Variants in PCDHGA2 observed in about 807,000 individuals in gnomAD.
PCDHGA2 encodes the protein protocadherin gamma-A2.
In PCDHGA2, 40 loss-of-function variants were observed where a neutral mutation model predicts 59.2. The ratio of observed to expected loss-of-function variants is 0.68; its 90% CI spans 0.52 to 0.88. PCDHGA2 has a LOEUF of 0.88. Among genes scored for constraint, PCDHGA2 ranks in the 40% least tolerant of loss-of-function variants. The pLI is 0.00. For missense variants in PCDHGA2, 1,226 were observed against 1,204.0 expected, an observed-to-expected ratio of 1.02 and a Z score of -0.27; for synonymous variants, 560 against 526.0, an observed-to-expected ratio of 1.06 and a Z score of -0.89.
chr5:141,351,156 C>T lies in PCDHGA2; in HGVS notation c.2424+9761C>T, dbSNP rs995856696. On this transcript the variant is annotated intron_variant, in intron 1 of 3. Coordinates refer to ENST00000394576, the MANE Select transcript of PCDHGA2 (RefSeq NM_018915.4). Reference sequence around the variant, plus strand: ...AATCCAAATACTGGCGACATCACAACCAATGGCACATTGGATTTTGAAGAG... The same window carrying T: ...AATCCAAATACTGGCGACATCACAATCAATGGCACATTGGATTTTGAAGAG... 7 of 1,613,902 alleles carry T rather than the reference C, an allele frequency of 4.3e-6. No individual in the cohort carries two copies. The African/African-American group carries it at 5.3e-5, about 12-fold the overall frequency.
intron 1 of PCDHGA2, among the ~76,000 whole-genome samples, chr5:141,373,124 C>A (rs933714666): frequency 1.3e-5 from 2 of 152,188 alleles, no homozygotes; most frequent in Non-Finnish European, 2.9e-5. Context: ...GAATTAGACC[C>A]AAATCCTCAC....
rs561122870 is a variant in PCDHGA2 at position 141,439,444 on chromosome 5, C to T, written c.2425-55363C>T. On this transcript the variant is annotated intron_variant, in intron 1 of 3. Transcript: ENST00000394576. ...ATAAATTCCCAGGAATATTTTATTG[C>T]GGGAGCAAGACTGCACTGCTGCCTT... Among the ~76,000 whole-genome samples the T allele has an allele frequency of 3.0e-4, 46 of 152,264 alleles. 1 individual carries two copies. The South Asian group carries it at 6.2e-3, about 21-fold the overall frequency.
Position 141,511,995 on chromosome 5 carries a change from A to G in PCDHGA2, c.*822A>G, listed in dbSNP as rs1049905198. The G allele has an allele frequency of 1.3e-5, 2 of 153,074 alleles. No homozygotes were observed. The highest frequency in any genetic ancestry group is 4.8e-5 in the African/African-American group (2 of 41,464). The allele number at this position is 153,074 out of a possible 1,614,324, so 9.5% of individuals were successfully genotyped here. On this transcript the variant is annotated 3_prime_UTR_variant, in exon 4 of 4. Transcript: ENST00000394576. The stretch of plus-strand genomic sequence containing the variant: ...GGATGTGGATGGTGGGGGCATGGAC[A>G]AAGCTTGACACATCAAGTTATCAAG...
At chr5:141,365,532 A>G in intron 1 of PCDHGA2, 1 of 1,613,862 alleles carries the variant, frequency 6.2e-7, no homozygotes, top group Non-Finnish European at 8.5e-7. Context: ...GTTGATAATT[A>G]CTATCACCTA....
intron 1 of PCDHGA2, chr5:141,366,452 G>A (rs1764567762): frequency 3.7e-6 from 6 of 1,614,196 alleles, no homozygotes; most frequent in East Asian, 4.5e-5. Flanking sequence ...CCTGGCCTTC[G>A]TCATCGTGCT....
At chr5:141,370,009 A>G (rs1310003326) in intron 1 of PCDHGA2, among the ~76,000 whole-genome samples, 1 of 152,282 alleles carries the variant, frequency 6.6e-6, no homozygotes, top group Non-Finnish European at 1.5e-5. Flanking sequence ...ATTAAAAGAA[A>G]TAACAGACTA....
At chr5:141,365,038 C>T (rs1763692774) in intron 1 of PCDHGA2, 3 of 1,613,858 alleles carry the variant, frequency 1.9e-6, no homozygotes, top group Non-Finnish European at 2.5e-6. Flanking sequence ...TCGACGCAAA[C>T]GACAATGCGC....
chr5:141,474,654 T>C (rs2099352669), intron 1 of PCDHGA2, among the ~76,000 whole-genome samples: 1 of 152,250 alleles, frequency 6.6e-6, no homozygotes, highest in African/African-American at 2.4e-5. Context: ...CTTACTTCTT[T>C]TCTACCTACC....
intron 1 of PCDHGA2, chr5:141,370,177 C>T: frequency 2.2e-6 from 1 of 462,820 alleles, no homozygotes; most frequent in Non-Finnish European, 3.8e-6. Context: ...GCGCCGGGTG[C>T]CGCTCTTGGC....
intron 3 of PCDHGA2, among the ~76,000 whole-genome samples, chr5:141,508,986 G>C (rs1298630784): frequency 2.0e-5 from 3 of 152,148 alleles, no homozygotes; most frequent in Non-Finnish European, 4.4e-5. Context: ...GTGGGGGCCA[G>C]CTGGGGTAGG....
At chr5:141,352,744 C>T (rs1159218441) in intron 1 of PCDHGA2, 2 of 1,445,068 alleles carry the variant, frequency 1.4e-6, no homozygotes, top group Non-Finnish European at 1.9e-6. Flanking sequence ...AATCCCAGCA[C>T]TTAACCAGGC....
intron 1 of PCDHGA2, chr5:141,383,378 C>A (rs753458256): frequency 8.1e-6 from 13 of 1,613,884 alleles, no homozygotes; most frequent in Non-Finnish European, 1.1e-5. Flanking sequence ...GCTGGGGATC[C>A]AGATGTGGGC....
intron 3 of PCDHGA2, 122 bp downstream of exon 3, chr5:141,505,603 G>A (rs900982128): frequency 6.5e-7 from 1 of 1,534,594 alleles, no homozygotes; most frequent in African/African-American, 1.4e-5. Flanking sequence ...TCTTTCGGCA[G>A]GTCTGAAAGG....
In PCDHGA2 at chr5:141,340,101, G is replaced by A. The variant is rs1294082311; in HGVS notation, c.1130G>A (p.Gly377Glu). The A allele has an allele frequency of 1.2e-6, 2 of 1,614,004 alleles. No homozygotes were observed. The highest frequency in any genetic ancestry group is 1.7e-6 in the Non-Finnish European group (2 of 1,179,958). The stretch of plus-strand genomic sequence containing the variant: ...TTTAATGTACATGATAGAGACTCTG[G>A]GCAGAACGCATTCACCACCTGTTCA... Reference protein sequence around the residue: ...GLFNVHDRDSGQNAFTTCSLP... With the variant: ...GLFNVHDRDSEQNAFTTCSLP... Residue 377 changes from glycine to glutamate, a missense_variant, in exon 1 of 4, where the codon GGG (glycine) becomes GAG (glutamate). Coordinates refer to ENST00000394576, the MANE Select transcript of PCDHGA2 (RefSeq NM_018915.4).
At chr5:141,420,651 T>A (rs1357679146) in intron 1 of PCDHGA2, among the ~76,000 whole-genome samples, 1 of 152,274 alleles carries the variant, frequency 6.6e-6, no homozygotes, top group East Asian at 1.9e-4. Flanking sequence ...GTAAGAATTA[T>A]AGTTAGGCAT....
rs3806835 is a variant in PCDHGA2, at chr5:141,370,079, T to C, written c.2424+28684T>C. On this transcript the variant is annotated intron_variant, in intron 1 of 3. Transcript: ENST00000394576. ...GTCCTTTTAAAATGGGAAGAAAGTATCACTATCAGTACACTGCCGATTTTT... is the reference window on the plus strand; with the variant it reads ...GTCCTTTTAAAATGGGAAGAAAGTACCACTATCAGTACACTGCCGATTTTT... Among the ~76,000 whole-genome samples, 56 of 152,350 alleles carry C rather than the reference T, an allele frequency of 3.7e-4. No homozygotes were observed. The East Asian group carries it at 0.011, about 29-fold the overall frequency.
At chr5:141,361,943 G>A (rs758202252) in intron 1 of PCDHGA2, 2 of 1,605,254 alleles carry the variant, frequency 1.2e-6, no homozygotes, top group South Asian at 2.2e-5. Flanking sequence ...CACAACGCTT[G>A]GCTGTCCTAC....
At chr5:141,415,551 C>T (rs745641887) in intron 1 of PCDHGA2, 1 of 1,614,132 alleles carries the variant, frequency 6.2e-7, no homozygotes, top group South Asian at 1.1e-5. Context: ...GTGAGAAAAA[C>T]GATCCTTTGT....
chr5:141,375,007 C>T (rs369489853), intron 1 of PCDHGA2: 1 of 1,614,000 alleles, frequency 6.2e-7, no homozygotes, highest in African/African-American at 1.3e-5. Context: ...CAAATCTAGA[C>T]TATGAGGACT....
Sources: allele counts gnomAD v4.1 joint callset (sites outside exome capture counted in the v4.1 genomes callset), GRCh38; gene constraint gnomAD v4.1.1; transcripts MANE v1.5; gene names NCBI Gene and HGNC (gene_info 2026-07-23, HGNC 2026-07-21).